MYO3B: variants seen among roughly 807,000 people sequenced by gnomAD.
The protein encoded by MYO3B is myosin-IIIb.
A neutral mutation model predicts 174.6 loss-of-function variants in MYO3B; 156 were observed. That is an observed-to-expected ratio of 0.89 (90% CI 0.78 to 1.02). The LOEUF is 1.02. Ranked by LOEUF, MYO3B falls within the 50% of genes least tolerant of loss-of-function variation. The pLI is 0.00. For missense variants in MYO3B, 1,632 were observed against 1,639.4 expected (o/e 1.00, Z 0.08); for synonymous variants, 563 against 569.1 (o/e 0.99, Z 0.15).
chr2:170,400,073 G>T, intron 16 of MYO3B, 115 bp from the exon 17 acceptor site: 1 of 1,390,754 alleles, frequency 7.2e-7, no homozygotes, highest in South Asian at 1.3e-5. Context: ...TGTGTGTCCA[G>T]GAAAAGAGGG....
At chr2:170,626,524 A>G (rs1696447836) in intron 32 of MYO3B, among the ~76,000 whole-genome samples, 1 of 152,014 alleles carries the variant, frequency 6.6e-6, no homozygotes, top group Non-Finnish European at 1.5e-5. Context: ...GTCTGTGTCA[A>G]TTGGAGCATT....
intron 9 of MYO3B, among the ~76,000 whole-genome samples, chr2:170,379,948 C>T (rs2094323272): frequency 6.6e-6 from 1 of 152,182 alleles, no homozygotes; most frequent in African/African-American, 2.4e-5. Context: ...ATTAATATTG[C>T]ATTATAAACT....
chr2:170,491,298 C>G (rs1007959205), intron 25 of MYO3B, among the ~76,000 whole-genome samples: 2 of 152,072 alleles, frequency 1.3e-5, no homozygotes, highest in African/African-American at 4.8e-5. Flanking sequence ...TCTCTGGCCT[C>G]TGGTAAATTT....
At chr2:170,243,874 T>C (rs1452660373) in intron 7 of MYO3B, among the ~76,000 whole-genome samples, 1 of 152,188 alleles carries the variant, frequency 6.6e-6, no homozygotes. Flanking sequence ...TTACATTGCA[T>C]CTATGTGAAG....
At chr2:170,189,877 G>A (rs931106594) in intron 1 of MYO3B, among the ~76,000 whole-genome samples, 1 of 152,112 alleles carries the variant, frequency 6.6e-6, no homozygotes, top group African/African-American at 2.4e-5. Context: ...TTCCTGGATG[G>A]TCTTGACATT....
intron 12 of MYO3B, among the ~76,000 whole-genome samples, chr2:170,384,888 C>T (rs1211053453): frequency 2.0e-5 from 3 of 152,174 alleles, no homozygotes; most frequent in Non-Finnish European, 2.9e-5. Context: ...TGCCACAAGA[C>T]TGTTCCCACT....
chr2:170,376,605 ATT>A (rs10655853), intron 9 of MYO3B, among the ~76,000 whole-genome samples: 2 of 144,990 alleles, frequency 1.4e-5, no homozygotes, highest in Non-Finnish European at 1.5e-5. Context: ...CCCTCTCTCT[ATT>A]TTTTTTTTTG....
intron 7 of MYO3B, among the ~76,000 whole-genome samples, chr2:170,290,904 GTTACT>G: frequency 6.6e-6 from 1 of 152,050 alleles, no homozygotes; most frequent in South Asian, 2.1e-4. Context: ...GATATAACAG[GTTACT>G]TTAAAGAGAA....
chr2:170,630,140 T>C (rs1696824443), intron 32 of MYO3B, among the ~76,000 whole-genome samples: 2 of 152,104 alleles, frequency 1.3e-5, no homozygotes, highest in South Asian at 4.1e-4. Flanking sequence ...ATCGGGGGAT[T>C]TCCCTTTCCT....
intron 12 of MYO3B, among the ~76,000 whole-genome samples, chr2:170,384,944 G>A (rs912599685): frequency 1.3e-5 from 2 of 152,148 alleles, no homozygotes; most frequent in African/African-American, 4.8e-5. Context: ...TCACACATCT[G>A]CCCAGCCGAA....
intron 32 of MYO3B, among the ~76,000 whole-genome samples, chr2:170,627,859 T>G (rs960445530): frequency 6.6e-5 from 10 of 152,116 alleles, no homozygotes; most frequent in Non-Finnish European, 8.8e-5. Context: ...AGGGTGTAGA[T>G]CAGCGAATAT....
chr2:170,565,085 A>T (rs1691977959), intron 32 of MYO3B, among the ~76,000 whole-genome samples: 1 of 152,234 alleles, frequency 6.6e-6, no homozygotes, highest in Non-Finnish European at 1.5e-5. Context: ...GCAAGTGACC[A>T]TGACTCCATG....
In MYO3B at chr2:170,335,343, A is replaced by C. The variant is rs1363980276; in HGVS notation, c.750-42A>C. On this transcript the variant is annotated intron_variant, in intron 7 of 34. Coordinates refer to ENST00000408978, the MANE Select transcript of MYO3B (RefSeq NM_138995.5). ...ACAAGTTGATATTTTGCCTTTAATG[A>C]AATTCTTCTTTCTTAAGAAAAAATT... is the stretch of plus-strand genomic sequence containing the variant. 16 of 1,473,038 alleles carry C rather than the reference A, an allele frequency of 1.1e-5. No individual in the cohort carries two copies. In the East Asian group the frequency reaches 1.6e-4, roughly 15 times the overall value. 91.2% of individuals were successfully genotyped at this position (1,473,038 alleles called of 1,614,324 possible).
intron 7 of MYO3B, among the ~76,000 whole-genome samples, chr2:170,300,539 G>A (rs1255915065): frequency 1.3e-5 from 2 of 152,178 alleles, no homozygotes; most frequent in South Asian, 2.1e-4. Flanking sequence ...AATGAGGCAC[G>A]AGGGCATTTG....
intron 7 of MYO3B, among the ~76,000 whole-genome samples, chr2:170,294,925 G>A (rs1231435892): frequency 6.7e-6 from 1 of 148,876 alleles, no homozygotes; most frequent in Non-Finnish European, 1.5e-5. Context: ...CAATTTTTCT[G>A]AAAAACTAAA....
chr2:170,296,985 G>A (rs2093632933), intron 7 of MYO3B, among the ~76,000 whole-genome samples: 1 of 152,174 alleles, frequency 6.6e-6, no homozygotes, highest in South Asian at 2.1e-4. Flanking sequence ...TGATCCAATC[G>A]CCTCCCACCA....
At chr2:170,281,643 A>G (rs1421028334) in intron 7 of MYO3B, among the ~76,000 whole-genome samples, 3 of 152,170 alleles carry the variant, frequency 2.0e-5, no homozygotes, top group African/African-American at 7.2e-5. Flanking sequence ...AAAAAGTTAA[A>G]AAGACCTCAT....
intron 32 of MYO3B, among the ~76,000 whole-genome samples, chr2:170,585,189 C>T (rs1693418144): frequency 6.6e-6 from 1 of 152,146 alleles, no homozygotes; most frequent in South Asian, 2.1e-4. Context: ...TAGGGGCATG[C>T]ACAAAAAGGA....
intron 30 of MYO3B, chr2:170,519,786 C>T (rs1575108870): frequency 8.7e-6 from 3 of 343,770 alleles, no homozygotes; most frequent in South Asian, 3.0e-5. Context: ...TAGCCTGGCC[C>T]ACATGGCAAA....
Sources: allele counts gnomAD v4.1 joint callset (sites outside exome capture counted in the v4.1 genomes callset), GRCh38; gene constraint gnomAD v4.1.1; transcripts MANE v1.5; gene names NCBI Gene and HGNC (gene_info 2026-07-23, HGNC 2026-07-21).